Variants in ERCC6L2 observed in about 807,000 individuals in gnomAD.
ERCC6L2 encodes the protein ERCC excision repair 6 like 2, also known as DNA excision repair protein ERCC-6-like 2.
A neutral mutation model predicts 132.0 loss-of-function variants in ERCC6L2; 77 were observed. That is an observed-to-expected ratio of 0.58 (90% CI 0.49 to 0.71). The LOEUF is 0.71. Among genes scored for constraint, ERCC6L2 ranks in the 30% least tolerant of loss-of-function variants. The pLI is 0.00. For synonymous variants in ERCC6L2, 583 were observed against 632.4 expected, an observed-to-expected ratio of 0.92 and a Z score of 1.17; for missense variants, 1,542 against 1,837.6, an observed-to-expected ratio of 0.84 and a Z score of 2.94.
intron 17 of ERCC6L2, among the ~76,000 whole-genome samples, chr9:95,980,007 A>G (rs936677224): frequency 1.3e-5 from 2 of 152,210 alleles, no homozygotes; most frequent in African/African-American, 4.8e-5. Context: ...ATAACTGGAT[A>G]TACTGGTCAT....
chr9:96,001,549 C>G (rs1294628749), intron 17 of ERCC6L2, among the ~76,000 whole-genome samples: 2 of 152,216 alleles, frequency 1.3e-5, no homozygotes, highest in African/African-American at 4.8e-5. Context: ...GGTGTATTTA[C>G]AAACCTTGAG....
chr9:95,992,730 G>A (rs1833344835), intron 17 of ERCC6L2, among the ~76,000 whole-genome samples: 1 of 152,142 alleles, frequency 6.6e-6, no homozygotes, highest in Non-Finnish European at 1.5e-5. Context: ...AGCCTAAGTG[G>A]CCCAGCTGGA....
intron 1 of ERCC6L2, among the ~76,000 whole-genome samples, chr9:95,880,557 C>A (rs1335031891): frequency 6.6e-6 from 1 of 152,080 alleles, no homozygotes; most frequent in Non-Finnish European, 1.5e-5. Context: ...TGCCCGTGAC[C>A]CCTATCCACT....
chr9:96,009,449 A>T (rs1002158021), intron 18 of ERCC6L2, among the ~76,000 whole-genome samples: 1 of 152,230 alleles, frequency 6.6e-6, no homozygotes, highest in African/African-American at 2.4e-5. Context: ...CTCCTTCCGG[A>T]AGCTTAGGCA....
At chr9:96,024,926 A>G (rs1376832587) in intron 19 of ERCC6L2, among the ~76,000 whole-genome samples, 1 of 152,176 alleles carries the variant, frequency 6.6e-6, no homozygotes, top group African/African-American at 2.4e-5. Flanking sequence ...ATTTGGTTGG[A>G]TGCTTCCATT....
At chr9:95,938,228 G>T in intron 11 of ERCC6L2, among the ~76,000 whole-genome samples, 1 of 151,740 alleles carries the variant, frequency 6.6e-6, no homozygotes, top group Admixed American at 6.6e-5. Flanking sequence ...TACCAGTATA[G>T]TTTCAGTTCT....
At chr9:96,032,341 A>G (rs1294945853) in intron 19 of ERCC6L2, among the ~76,000 whole-genome samples, 1 of 152,170 alleles carries the variant, frequency 6.6e-6, no homozygotes, top group Admixed American at 6.5e-5. Flanking sequence ...TACAAATGGA[A>G]ACCACCCTCA....
At chr9:95,921,463 T>A in intron 7 of ERCC6L2, 148 bp downstream of exon 7, 1 of 505,948 alleles carries the variant, frequency 2.0e-6, no homozygotes. Flanking sequence ...AAAAATATTT[T>A]ACAATATCAA....
At chr9:96,038,344 C>T (rs556933589) in intron 19 of ERCC6L2, among the ~76,000 whole-genome samples, 7 of 152,204 alleles carry the variant, frequency 4.6e-5, no homozygotes, top group Admixed American at 3.9e-4. Flanking sequence ...GCCCCTCTTC[C>T]CCCGAAGTAT....
intron 16 of ERCC6L2, among the ~76,000 whole-genome samples, chr9:95,973,479 G>T (rs953718316): frequency 6.6e-6 from 1 of 152,148 alleles, no homozygotes; most frequent in Non-Finnish European, 1.5e-5. Flanking sequence ...GGGTTTAATG[G>T]ATTCACAGTT....
downstream of ERCC6L2, chr9:96,021,741 C>G (rs1382961240): frequency 7.0e-6 from 1 of 143,558 alleles, no homozygotes; most frequent in Non-Finnish European, 1.5e-5. The surrounding 1 kb of genome is among the most constrained non-coding windows in gnomAD (Gnocchi z 4.7). Context: ...CCGCGCGCGT[C>G]GCGCCGAGGT....
At chr9:95,937,389 C>G (rs1354020356) in intron 11 of ERCC6L2, among the ~76,000 whole-genome samples, 1 of 152,042 alleles carries the variant, frequency 6.6e-6, no homozygotes, top group Non-Finnish European at 1.5e-5. Flanking sequence ...TATTAAACAT[C>G]TTTTCATGTG....
At chr9:95,975,850 C>T (rs1036506226) in intron 16 of ERCC6L2, among the ~76,000 whole-genome samples, 1 of 151,886 alleles carries the variant, frequency 6.6e-6, no homozygotes, top group African/African-American at 2.4e-5. Context: ...TATGTTCCTT[C>T]TAGTTTAGTC....
chr9:95,977,160 A>T (rs929482127), intron 16 of ERCC6L2, among the ~76,000 whole-genome samples: 1 of 152,244 alleles, frequency 6.6e-6, no homozygotes, highest in African/African-American at 2.4e-5. Context: ...TGTCATCAAA[A>T]TTAAGAAACA....
rs1418759087 is a variant in ERCC6L2, at chr9:96,017,498, T to G, written c.*4295T>G. Among the ~76,000 whole-genome samples, 1 of 152,184 alleles carries G rather than the reference T, an allele frequency of 6.6e-6. No homozygotes were observed. Among genetic ancestry groups the G allele is most frequent in the Non-Finnish European group, 1.5e-5 (1 of 68,038 alleles). On this transcript the variant is annotated 3_prime_UTR_variant, in exon 19 of 19. Transcript: ENST00000653738. ...GGAGAGGCTTTTAAGCATGCACATG[T>G]CCAGGGTCCTCATCAAGAGACTGAA...
rs566276042 is a variant in ERCC6L2, at chr9:95,931,029, A to G, written c.1751+2165A>G. On this transcript the variant is annotated intron_variant, in intron 11 of 18. Transcript: ENST00000653738. Reference sequence around the variant, plus strand: ...AGCGTTTACATTACTATGTTTTTATAAACTAAACATCTTTAATGCAGGGGC... The same window carrying G: ...AGCGTTTACATTACTATGTTTTTATGAACTAAACATCTTTAATGCAGGGGC... 3.9e-5 allele frequency among the ~76,000 whole-genome samples: 6 copies of G among 152,352 alleles called. No individual in the cohort carries two copies. In the South Asian group the frequency reaches 1.2e-3, roughly 32 times the overall value.
At chr9:95,901,034 A>G (rs1053833693) in intron 3 of ERCC6L2, among the ~76,000 whole-genome samples, 8 of 151,640 alleles carry the variant, frequency 5.3e-5, no homozygotes, top group African/African-American at 1.9e-4. Context: ...TGACTGTGCC[A>G]CTGCACTCCA....
At chr9:95,899,576 T>C (rs1828648745) in intron 3 of ERCC6L2, among the ~76,000 whole-genome samples, 1 of 150,032 alleles carries the variant, frequency 6.7e-6, no homozygotes, top group East Asian at 2.0e-4. Context: ...TTTCCTTTCT[T>C]TCTTTTTTTC....
chr9:95,907,321 A>C, intron 4 of ERCC6L2, 50 bp downstream of exon 4: 1 of 1,099,790 alleles, frequency 9.1e-7, no homozygotes. Context: ...GTCTACTTAC[A>C]TCCCTTTATA....
Sources: allele counts gnomAD v4.1 joint callset (sites outside exome capture counted in the v4.1 genomes callset), GRCh38; gene constraint gnomAD v4.1.1; non-coding constraint Gnocchi (gnomAD v3.1); transcripts MANE v1.5; gene names NCBI Gene and HGNC (gene_info 2026-07-23, HGNC 2026-07-21).